The following TMTC1 variants were observed in gnomAD, a reference collection of about 807,000 sequenced individuals.
The protein encoded by TMTC1 is transmembrane O-mannosyltransferase targeting cadherins 1.
In TMTC1, 73 loss-of-function variants were observed where a neutral mutation model predicts 104.8. The observed-to-expected ratio is 0.70, with a 90% confidence interval of 0.58 to 0.85. The LOEUF is 0.85. Ranked by LOEUF, TMTC1 falls within the 40% of genes least tolerant of loss-of-function variation. The probability of loss-of-function intolerance (pLI) is 0.00; values close to 1 mark genes in which losing one functional copy is unlikely to be tolerated. For missense variants in TMTC1, 1,035 were observed against 1,096.1 expected, an observed-to-expected ratio of 0.94 and a Z score of 0.79; for synonymous variants, 434 against 428.7, an observed-to-expected ratio of 1.01 and a Z score of -0.15.
At chr12:29,586,646 G>A (rs548706593) in intron 7 of TMTC1, among the ~76,000 whole-genome samples, 145 of 151,346 alleles carry the variant, frequency 9.6e-4, no homozygotes, top group South Asian at 8.1e-3. Context: ...TAGCATGAAG[G>A]GTTGTTGAAT....
chr12:29,644,133 GTGTGTGTGTGTGTGTGTATA>G (rs1279061095), intron 5 of TMTC1, among the ~76,000 whole-genome samples: 12 of 100,508 alleles, frequency 1.2e-4, no homozygotes, highest in African/African-American at 4.4e-4. Context: ...GTGTGTGTGT[GTGTGTGTGTGTGTGTGTATA>G]TATATATATA....
chr12:29,756,080 C>A (rs1007555364), intron 3 of TMTC1, among the ~76,000 whole-genome samples, 195 bp from the exon 4 acceptor site: 1 of 152,180 alleles, frequency 6.6e-6, no homozygotes, highest in African/African-American at 2.4e-5. Context: ...ACACAGACTA[C>A]GGTATGTAAC....
intron 6 of TMTC1, among the ~76,000 whole-genome samples, chr12:29,608,505 A>C (rs954086540): frequency 6.6e-6 from 1 of 152,244 alleles, no homozygotes; most frequent in African/African-American, 2.4e-5. Flanking sequence ...ATGACATTTG[A>C]TTAACTGCAA....
rs1043860890 is a variant in TMTC1, at chr12:29,502,030, T to A, written c.*4816A>T. Reference sequence around the variant, plus strand: ...AAAAACGTCAAGAATAATCATAAAATCTTATAATATTTCTCTATATTATTT... The same window carrying A: ...AAAAACGTCAAGAATAATCATAAAAACTTATAATATTTCTCTATATTATTT... On this transcript the variant is annotated 3_prime_UTR_variant, in exon 18 of 18. Coordinates refer to ENST00000539277, the MANE Select transcript of TMTC1 (RefSeq NM_001193451.2). 1 of 152,296 alleles carries A rather than the reference T, an allele frequency of 6.6e-6. No individual in the cohort carries two copies. Among genetic ancestry groups the A allele is most frequent in the African/African-American group, 2.4e-5 (1 of 41,580 alleles). 9.4% of individuals were successfully genotyped at this position (152,296 alleles called of 1,614,324 possible). A position where few individuals can be genotyped will look rare whatever the true frequency, so the allele number is the denominator to read the frequency against.
At chr12:29,719,665 C>T (rs57168089) in intron 5 of TMTC1, among the ~76,000 whole-genome samples, 1,552 of 152,276 alleles carry the variant, frequency 0.01, 22 homozygotes, top group African/African-American at 0.034. Flanking sequence ...CTTTTTTCTT[C>T]TATTCTGCAA....
chr12:29,703,726 A>G (rs934024044), intron 5 of TMTC1, among the ~76,000 whole-genome samples: 4 of 152,220 alleles, frequency 2.6e-5, no homozygotes, highest in Non-Finnish European at 5.9e-5. Flanking sequence ...GTCAACCTTA[A>G]AGGTTACCTT....
At chr12:29,776,234 C>T (rs1013123974) in intron 1 of TMTC1, among the ~76,000 whole-genome samples, 4 of 152,154 alleles carry the variant, frequency 2.6e-5, no homozygotes, top group Non-Finnish European at 4.4e-5. Context: ...TGCAACCTGC[C>T]ACCTAAGAAG....
chr12:29,560,698 G>T (rs1253256273), intron 9 of TMTC1, among the ~76,000 whole-genome samples: 1 of 152,172 alleles, frequency 6.6e-6, no homozygotes. Flanking sequence ...GGGTACTTTA[G>T]TTACTGGATA....
chr12:29,752,215 T>TC (rs1159134983), intron 4 of TMTC1, among the ~76,000 whole-genome samples: 3 of 152,086 alleles, frequency 2.0e-5, no homozygotes, highest in African/African-American at 7.2e-5. Flanking sequence ...TTGGTTGCAG[T>TC]GGTATTAAGG....
intron 5 of TMTC1, among the ~76,000 whole-genome samples, chr12:29,669,013 G>C (rs929016537): frequency 6.6e-6 from 1 of 152,160 alleles, no homozygotes; most frequent in African/African-American, 2.4e-5. Flanking sequence ...AGAATGAGCA[G>C]AGCTGGGAGG....
At chr12:29,666,598 G>A (rs1940298017) in intron 5 of TMTC1, among the ~76,000 whole-genome samples, 1 of 151,992 alleles carries the variant, frequency 6.6e-6, no homozygotes, top group Non-Finnish European at 1.5e-5. Flanking sequence ...AAATAAAAGT[G>A]CTCACAGTTT....
At chr12:29,714,185 A>C (rs1334336545) in intron 5 of TMTC1, among the ~76,000 whole-genome samples, 1 of 152,226 alleles carries the variant, frequency 6.6e-6, no homozygotes, top group Non-Finnish European at 1.5e-5. Flanking sequence ...GGACTAAGAC[A>C]ATAGTTTGTC....
intron 17 of TMTC1, among the ~76,000 whole-genome samples, chr12:29,507,259 G>A (rs1335269132): frequency 6.6e-6 from 1 of 152,110 alleles, no homozygotes; most frequent in Non-Finnish European, 1.5e-5. Context: ...ACTAATGCAG[G>A]GTGTGAGGTT....
intron 5 of TMTC1, chr12:29,640,942 A>T (rs1159096764): frequency 6.6e-6 from 1 of 152,118 alleles, no homozygotes; most frequent in Non-Finnish European, 1.5e-5. Context: ...TTTGTGTGGG[A>T]GCTGGGTGAG....
At chr12:29,615,291 C>G (rs779039886) in intron 6 of TMTC1, among the ~76,000 whole-genome samples, 20 of 152,148 alleles carry the variant, frequency 1.3e-4, no homozygotes, top group Non-Finnish European at 2.6e-4. Flanking sequence ...TCTCTGTCCT[C>G]CAGCTCTCCT....
Position 29,506,690 on chromosome 12 carries a change from C to G in TMTC1, c.*156G>C, listed in dbSNP as rs1018289774. 3.4e-6 allele frequency: 3 copies of G among 889,968 alleles called. No homozygotes were observed. Among genetic ancestry groups the G allele is most frequent in the African/African-American group, 3.3e-5 (2 of 60,066 alleles). The allele number at this position is 889,968 out of a possible 1,614,324, so 55.1% of individuals were successfully genotyped here. A position where few individuals can be genotyped will look rare whatever the true frequency, so the allele number is the denominator to read the frequency against. On this transcript the variant is annotated 3_prime_UTR_variant, in exon 18 of 18. Coordinates refer to ENST00000539277, the MANE Select transcript of TMTC1 (RefSeq NM_001193451.2). Reference sequence around the variant, plus strand: ...TCATGGAAAAGCAAGTCCTTCAGCACTGGGCTACCAGCAGATGTCCCAAAA... The same window carrying G: ...TCATGGAAAAGCAAGTCCTTCAGCAGTGGGCTACCAGCAGATGTCCCAAAA...
At chr12:29,617,782 T>A (rs556013340) in intron 6 of TMTC1, among the ~76,000 whole-genome samples, 87 of 152,012 alleles carry the variant, frequency 5.7e-4, no homozygotes, top group African/African-American at 2.1e-3. Context: ...AGAAAATGAG[T>A]TCAGGAAGTA....
rs1945787574 is a variant in TMTC1 at position 29,575,164 on chromosome 12, T to C, written c.1419-2946A>G. Among the ~76,000 whole-genome samples the C allele has an allele frequency of 2.0e-5, 3 of 152,220 alleles. No homozygotes were observed. In the South Asian group the frequency reaches 6.2e-4, roughly 32 times the overall value. On this transcript the variant is annotated intron_variant, in intron 8 of 17. Transcript: ENST00000539277. Reference sequence around the variant, plus strand: ...GAGGAGTTTGGTTCTAGAGTTTCTGTTCCCTCACCTGAAGGAAGGTGGCAG... The same window carrying C: ...GAGGAGTTTGGTTCTAGAGTTTCTGCTCCCTCACCTGAAGGAAGGTGGCAG...
intron 5 of TMTC1, among the ~76,000 whole-genome samples, chr12:29,717,518 TA>T (rs1046895828): frequency 1.3e-5 from 2 of 151,876 alleles, no homozygotes; most frequent in African/African-American, 4.8e-5. Flanking sequence ...CCTCCTAACT[TA>T]AAAAAAAGAT....
Sources: gnomAD v4.1 joint callset for allele counts (sites outside exome capture counted in the v4.1 genomes callset) on GRCh38, gnomAD v4.1.1 for gene constraint, MANE v1.5 for transcripts, NCBI Gene and HGNC (gene_info 2026-07-23, HGNC 2026-07-21) for gene names.